CIAO1: variants seen among roughly 807,000 people sequenced by gnomAD.
The protein encoded by CIAO1 is cytosolic iron-sulfur assembly component 1.
A neutral mutation model predicts 43.1 loss-of-function variants in CIAO1; 32 were observed. That is an observed-to-expected ratio of 0.74 (90% CI 0.56 to 1.00). CIAO1 has a LOEUF of 1.00. Among genes scored for constraint, CIAO1 ranks in the 50% least tolerant of loss-of-function variants. The probability of loss-of-function intolerance (pLI) is 0.00; values close to 1 mark genes in which losing one functional copy is unlikely to be tolerated. For missense variants in CIAO1, 415 were observed against 437.4 expected, an observed-to-expected ratio of 0.95 and a Z score of 0.46; for synonymous variants, 183 against 171.4, an observed-to-expected ratio of 1.07 and a Z score of -0.53.
At position 96,268,388 on chromosome 2, in the gene CIAO1, G is replaced by T. The variant is rs1484202455; in HGVS notation, c.490-69G>T. On this transcript the variant is annotated intron_variant, in intron 4 of 6. Transcript: ENST00000488633. ...AAAATAAAATAAAAGCAGATACCTG[G>T]AACTGACCTGTCCTTTGCTTCCTGG... 9.4e-6 allele frequency: 12 copies of T among 1,282,688 alleles called. No homozygotes were observed. The East Asian group carries it at 2.8e-4, about 30-fold the overall frequency. The allele number at this position is 1,282,688 out of a possible 1,614,324, so 79.5% of individuals were successfully genotyped here.
intron 6 of CIAO1, among the ~76,000 whole-genome samples, chr2:96,270,906 A>G (rs1271082309): frequency 1.3e-5 from 2 of 152,146 alleles, no homozygotes; most frequent in African/African-American, 4.8e-5. Flanking sequence ...TTTTAGGATA[A>G]TCATAGTAGG....
At chr2:96,267,986 T>G in intron 4 of CIAO1, 62 bp downstream of exon 4, 2 of 1,343,828 alleles carry the variant, frequency 1.5e-6, no homozygotes, top group Non-Finnish European at 2.1e-6. Context: ...TGCCCAGCCT[T>G]CCTCTGCTTT....
rs138525401 is a variant in CIAO1 at position 96,270,220 on chromosome 2, G to T, written c.779+865G>T. ...AAGAAAGGGGTTAAGAATACTTTAT[G>T]ATGGGGCCAGGCGCTGTGGCTCACG... On this transcript the variant is annotated intron_variant, in intron 6 of 6. Transcript: ENST00000488633. Among the ~76,000 whole-genome samples, 1,515 of 152,298 alleles carry T rather than the reference G, an allele frequency of 9.9e-3. 27 individuals carry two copies. Among genetic ancestry groups the T allele is most frequent in the African/African-American group, 0.035 (1,437 of 41,562 alleles).
chr2:96,268,664 G>A lies in CIAO1; in HGVS notation c.691+6G>A, dbSNP rs775568417. 5 of 1,614,060 alleles carry A rather than the reference G, an allele frequency of 3.1e-6. No homozygotes were observed. In the South Asian group the frequency reaches 5.5e-5, roughly 18 times the overall value. ...TCTACCAGGCAATGAACAAGGTGAGGTCCATTAGTAGAGCTAAAGAAGACC... is the reference window on the plus strand; with the variant it reads ...TCTACCAGGCAATGAACAAGGTGAGATCCATTAGTAGAGCTAAAGAAGACC... On this transcript the variant is annotated splice_donor_region_variant and intron_variant, in intron 5 of 6. Coordinates refer to ENST00000488633, the MANE Select transcript of CIAO1 (RefSeq NM_004804.3).
At position 96,268,438 on chromosome 2, in the gene CIAO1, C is replaced by T; in HGVS notation, c.490-19C>T. 19 of 1,612,814 alleles carry T rather than the reference C, an allele frequency of 1.2e-5. No individual in the cohort carries two copies. The highest frequency in any genetic ancestry group is 1.6e-5 in the Non-Finnish European group (19 of 1,178,854). On this transcript the variant is annotated intron_variant, in intron 4 of 6. Transcript: ENST00000488633. ...GGCCACACAGACACATGTTGGGTTT[C>T]CTTTCACTCTTCCCCCAGCTCTTAG... is the stretch of plus-strand genomic sequence containing the variant.
Position 96,267,634 on chromosome 2 carries a change from A to T in CIAO1, c.298A>T (p.Thr100Ser), listed in dbSNP as rs754790608. The stretch of plus-strand genomic sequence containing the variant: ...CTTTCCCCTTTCACAGTGTGTAACC[A>T]CTCTCGAGGGCCATGAAAATGAGGT... ...KNQDDFECVT[T>S]LEGHENEVKS... Residue 100 changes from threonine (T) to serine (S), a missense_variant, in exon 3 of 7, where the codon ACT becomes TCT. Coordinates refer to ENST00000488633, the MANE Select transcript of CIAO1 (RefSeq NM_004804.3). The T allele has an allele frequency of 2.5e-6, 4 of 1,613,160 alleles. No individual in the cohort carries two copies. In the African/African-American group the frequency reaches 5.4e-5, roughly 22 times the overall value.
Position 96,266,280 on chromosome 2 carries a change from C to G in CIAO1, c.-71C>G. Reference sequence around the variant, plus strand: ...AAGCCTGGAGTGGGCGGTACGCAGACGCGCGCGGTGAGACCCGCTGTCTGC... The same window carrying G: ...AAGCCTGGAGTGGGCGGTACGCAGAGGCGCGCGGTGAGACCCGCTGTCTGC... On this transcript the variant is annotated 5_prime_UTR_variant, in exon 1 of 7. Coordinates refer to ENST00000488633, the MANE Select transcript of CIAO1 (RefSeq NM_004804.3). The G allele has an allele frequency of 7.7e-7, 1 of 1,296,770 alleles. No individual in the cohort carries two copies. The highest frequency in any genetic ancestry group is 1.5e-5 in the African/African-American group (1 of 65,110). 80.3% of individuals were successfully genotyped at this position (1,296,770 alleles called of 1,614,324 possible). A position where few individuals can be genotyped will look rare whatever the true frequency, so the allele number is the denominator to read the frequency against.
intron 4 of CIAO1, 33 bp downstream of exon 4, chr2:96,267,957 G>A: frequency 6.5e-7 from 1 of 1,545,898 alleles, no homozygotes; most frequent in Non-Finnish European, 8.9e-7. Context: ...TGTGGGAAGG[G>A]CTCTGGTGTG....
chr2:96,273,974 T>C lies in CIAO1; in HGVS notation c.*2623T>C. Among the ~76,000 whole-genome samples, 1 of 151,880 alleles carries C rather than the reference T, an allele frequency of 6.6e-6. No individual in the cohort carries two copies. The highest frequency in any genetic ancestry group is 1.9e-4 in the East Asian group (1 of 5,168). On this transcript the variant is annotated 3_prime_UTR_variant, in exon 7 of 7. Coordinates refer to ENST00000488633, the MANE Select transcript of CIAO1 (RefSeq NM_004804.3). ...CTGTAATCCCAGCACTCTGGGAGGC[T>C]GAGGTGGGCGGATCACTTGAGCTCA...
At chr2:96,269,067 C>G (rs1238104216) in intron 5 of CIAO1, 13 of 614,408 alleles carry the variant, frequency 2.1e-5, no homozygotes, top group Non-Finnish European at 3.8e-5. Flanking sequence ...TGCAACAGAA[C>G]AGGGATGTTT....
At position 96,268,510 on chromosome 2, in the gene CIAO1, GGAT is replaced by G; in HGVS notation, c.546_548del (p.Asp183del). ...CAGTGAAGCTGTACCGGGAGGAAGAGGATGACTGGGTATGCTGTGCCACCCTTG... is the reference window on the plus strand; with the variant it reads ...CAGTGAAGCTGTACCGGGAGGAAGAGGACTGGGTATGCTGTGCCACCCTTG... On this transcript the variant is annotated inframe_deletion, in exon 5 of 7. Transcript: ENST00000488633. The G allele has an allele frequency of 6.2e-7, 1 of 1,614,220 alleles. No individual in the cohort carries two copies. Among genetic ancestry groups the G allele is most frequent in the Non-Finnish European group, 8.5e-7 (1 of 1,180,038 alleles).
At chr2:96,267,264 G>T (rs1684451693) in intron 1 of CIAO1, 57 bp from the exon 2 acceptor site, 1 of 1,487,580 alleles carries the variant, frequency 6.7e-7, no homozygotes, top group Admixed American at 2.0e-5. Context: ...CCCTGATATT[G>T]AATGGCTTCA....
At chr2:96,266,964 G>A (rs1241783643) in intron 1 of CIAO1, among the ~76,000 whole-genome samples, 3 of 151,812 alleles carry the variant, frequency 2.0e-5, no homozygotes, top group Non-Finnish European at 2.9e-5. Context: ...GTGAAACCCC[G>A]TCTCTACTAA....
chr2:96,272,455 G>A lies in CIAO1; in HGVS notation c.*1104G>A, dbSNP rs1684571127. 3 of 152,224 alleles carry A rather than the reference G, an allele frequency of 2.0e-5. No individual in the cohort carries two copies. The highest frequency in any genetic ancestry group is 2.1e-4 in the South Asian group (1 of 4,834). The allele number at this position is 152,224 out of a possible 1,614,324, so 9.4% of individuals were successfully genotyped here. ...GCACTGTGGCATGAATCAAGGTGGTGGCAGCAAACTTCTAGTAGTTTTGAT... is the reference window on the plus strand; with the variant it reads ...GCACTGTGGCATGAATCAAGGTGGTAGCAGCAAACTTCTAGTAGTTTTGAT... On this transcript the variant is annotated 3_prime_UTR_variant, in exon 7 of 7. Transcript: ENST00000488633.
rs1226082075 is a variant in CIAO1, at chr2:96,274,064, CATT to C, written c.*2716_*2718del. Among the ~76,000 whole-genome samples, 1 of 150,502 alleles carries C rather than the reference CATT, an allele frequency of 6.6e-6. No homozygotes were observed. The highest frequency in any genetic ancestry group is 1.5e-5 in the Non-Finnish European group (1 of 67,738). On this transcript the variant is annotated 3_prime_UTR_variant, in exon 7 of 7. Coordinates refer to ENST00000488633, the MANE Select transcript of CIAO1 (RefSeq NM_004804.3). Reference sequence around the variant, plus strand: ...TCTCTATTAAGAAAAAAAATGTTAACATTATGATTTAAAAGTGCATTAACCTTA... The same window carrying C: ...TCTCTATTAAGAAAAAAAATGTTAACATGATTTAAAAGTGCATTAACCTTA...
rs748924142 is a variant in CIAO1, at chr2:96,268,480, T to A, written c.513T>A (p.Asp171Glu). The A allele has an allele frequency of 6.2e-7, 1 of 1,614,216 alleles. No individual in the cohort carries two copies. The highest frequency in any genetic ancestry group is 8.5e-7 in the Non-Finnish European group (1 of 1,180,036). Reference sequence around the variant, plus strand: ...AGCTCTTAGCTTCTGCCAGCTATGATGACACAGTGAAGCTGTACCGGGAGG... The same window carrying A: ...AGCTCTTAGCTTCTGCCAGCTATGAAGACACAGTGAAGCTGTACCGGGAGG... Reference protein sequence around the residue: ...SQELLASASYDDTVKLYREEE... With the variant: ...SQELLASASYEDTVKLYREEE... Residue 171 changes from aspartate (D) to glutamate (E), a missense_variant, in exon 5 of 7, where the codon GAT becomes GAA. Physicochemically the swap from Asp to Glu is conservative, Grantham distance 45. Transcript: ENST00000488633.
chr2:96,267,836 T>C lies in CIAO1; in HGVS notation c.401T>C (p.Val134Ala), dbSNP rs900511645. The C allele has an allele frequency of 1.9e-6, 3 of 1,613,980 alleles. No homozygotes were observed. Among genetic ancestry groups the C allele is most frequent in the Non-Finnish European group, 2.5e-6 (3 of 1,179,910 alleles). The change falls in exon 4 of 7, where the codon GTT becomes GCT. Residue 134 changes from valine to alanine, a missense_variant and splice_region_variant. By Grantham distance (64) the Val-to-Ala change is moderately conservative. Coordinates refer to ENST00000488633, the MANE Select transcript of CIAO1 (RefSeq NM_004804.3). The part of the protein sequence containing the change: ...SRDKSVWVWE[V>A]DEEDEYECVS... ...TGGGTCCCCTTTTTCTCTCCCACAGTTGATGAAGAGGATGAGTATGAATGT... is the reference window on the plus strand; with the variant it reads ...TGGGTCCCCTTTTTCTCTCCCACAGCTGATGAAGAGGATGAGTATGAATGT...
At position 96,274,154 on chromosome 2, in the gene CIAO1, T is replaced by TAA. The variant is rs1259500107; in HGVS notation, c.*2807_*2808dup. On this transcript the variant is annotated 3_prime_UTR_variant, in exon 7 of 7. Transcript: ENST00000488633. Reference sequence around the variant, plus strand: ...AACTGTGAAAAATAAATTTGTTATTTAAAAAGAAAAAAAAAAAAACAAAAA... The same window carrying TAA: ...AACTGTGAAAAATAAATTTGTTATTTAAAAAAAGAAAAAAAAAAAAACAAAAA... Among the ~76,000 whole-genome samples the TAA allele has an allele frequency of 7.1e-6, 1 of 141,502 alleles. No homozygotes were observed. The highest frequency in any genetic ancestry group is 7.2e-5 in the Admixed American group (1 of 13,860). 92.8% of individuals were successfully genotyped at this position (141,502 alleles called of 152,430 possible). A position where few individuals can be genotyped will look rare whatever the true frequency, so the allele number is the denominator to read the frequency against.
rs572454737 is a variant in CIAO1, at chr2:96,273,001, T to C, written c.*1650T>C. ...AATTGAAAGAACTAGCAGATTACGG[T>C]ATTTAGACTTGAATATTTGGCTGAT... On this transcript the variant is annotated 3_prime_UTR_variant, in exon 7 of 7. Transcript: ENST00000488633. 6.6e-6 allele frequency: 1 copy of C among 152,254 alleles called. No homozygotes were observed. Among genetic ancestry groups the C allele is most frequent in the South Asian group, 2.1e-4 (1 of 4,826 alleles). The allele number at this position is 152,254 out of a possible 1,614,324, so 9.4% of individuals were successfully genotyped here. A position where few individuals can be genotyped will look rare whatever the true frequency, so the allele number is the denominator to read the frequency against.
Sources: gnomAD v4.1 joint callset for allele counts (sites outside exome capture counted in the v4.1 genomes callset) on GRCh38, gnomAD v4.1.1 for gene constraint, MANE v1.5 for transcripts, NCBI Gene and HGNC (gene_info 2026-07-23, HGNC 2026-07-21) for gene names.